Variants in CARMIL1 observed in about 807,000 individuals in gnomAD.
CARMIL1 encodes capping protein regulator and myosin 1 linker 1.
CARMIL1 carries 90 observed loss-of-function variants against 177.1 expected under a neutral mutation model. The ratio of observed to expected loss-of-function variants is 0.51; its 90% CI spans 0.43 to 0.61. The LOEUF (loss-of-function observed/expected upper bound fraction) is 0.61, where lower values mean the gene tolerates loss of function less well. Among genes scored for constraint, CARMIL1 ranks in the 20% least tolerant of loss-of-function variants. The pLI, the probability that CARMIL1 is intolerant of heterozygous loss-of-function variation, is 0.00. For missense variants in CARMIL1, 1,380 were observed against 1,667.0 expected, an observed-to-expected ratio of 0.83 and a Z score of 3.00; for synonymous variants, 577 against 606.2, an observed-to-expected ratio of 0.95 and a Z score of 0.71.
At chr6:25,454,214 A>G (rs891934332) in intron 8 of CARMIL1, among the ~76,000 whole-genome samples, 4 of 152,208 alleles carry the variant, frequency 2.6e-5, no homozygotes, top group Non-Finnish European at 5.9e-5. Flanking sequence ...CTGGAAGGAC[A>G]TTTGTCATTA....
At position 25,509,100 on chromosome 6, in the gene CARMIL1, A is replaced by T. The variant is rs1805219689; in HGVS notation, c.1396-556A>T. Among the ~76,000 whole-genome samples, 2 of 150,638 alleles carry T rather than the reference A, an allele frequency of 1.3e-5. No individual in the cohort carries two copies. Among genetic ancestry groups the T allele is most frequent in the South Asian group, 4.2e-4 (2 of 4,726 alleles). On this transcript the variant is annotated intron_variant, in intron 17 of 36. Coordinates refer to ENST00000329474, the MANE Select transcript of CARMIL1 (RefSeq NM_017640.6). The surrounding 1 kb of genome is among the most constrained non-coding windows in gnomAD (Gnocchi z 4.1). Reference sequence around the variant, plus strand: ...TCCATCCATGGCTCGAAGCATTTGTACAAATCATTTTGCAGTCATCTTTAG... The same window carrying T: ...TCCATCCATGGCTCGAAGCATTTGTTCAAATCATTTTGCAGTCATCTTTAG...
chr6:25,280,772 A>T (rs1204102613), intron 1 of CARMIL1, among the ~76,000 whole-genome samples: 2 of 151,954 alleles, frequency 1.3e-5, no homozygotes, highest in African/African-American at 4.8e-5. Flanking sequence ...CTGTGTACAG[A>T]TGTGTTTTGA....
chr6:25,439,336 G>C (rs1262413766), intron 5 of CARMIL1, among the ~76,000 whole-genome samples: 1 of 152,232 alleles, frequency 6.6e-6, no homozygotes, highest in Non-Finnish European at 1.5e-5. Flanking sequence ...GCTTGGAGGA[G>C]AGGTCTGGAG....
At chr6:25,607,123 G>C (rs1368897564) in intron 35 of CARMIL1, among the ~76,000 whole-genome samples, 4 of 151,420 alleles carry the variant, frequency 2.6e-5, no homozygotes, top group African/African-American at 9.7e-5. Context: ...ACTCCAGCCT[G>C]AGTGACAAGA....
intron 3 of CARMIL1, among the ~76,000 whole-genome samples, chr6:25,421,876 G>T (rs1349548893): frequency 1.1e-3 from 139 of 125,140 alleles, no homozygotes; most frequent in African/African-American, 4.1e-3. Context: ...GTTGTGGGGT[G>T]GGGGGAGGGG....
At chr6:25,501,455 C>T (rs1048464663) in intron 17 of CARMIL1, among the ~76,000 whole-genome samples, 53 of 152,180 alleles carry the variant, frequency 3.5e-4, no homozygotes, top group African/African-American at 1.3e-3. Flanking sequence ...ATAATAGTAA[C>T]TCTCCCAATG....
chr6:25,447,755 C>T (rs1298363930), intron 5 of CARMIL1, among the ~76,000 whole-genome samples: 1 of 152,076 alleles, frequency 6.6e-6, no homozygotes, highest in Non-Finnish European at 1.5e-5. Flanking sequence ...CACTTCCTCT[C>T]CCCTGGAAGT....
At chr6:25,495,062 A>G in intron 15 of CARMIL1, 49 bp from the exon 16 acceptor site, 1 of 994,932 alleles carries the variant, frequency 1.0e-6, no homozygotes, top group Non-Finnish European at 1.6e-6. Context: ...ATCAATGAAT[A>G]TGTTTGATGA....
intron 29 of CARMIL1, chr6:25,563,787 A>G: frequency 1.0e-6 from 1 of 985,460 alleles, no homozygotes; most frequent in Non-Finnish European, 1.2e-6. Flanking sequence ...GGTGGATCAC[A>G]GAACCACCGT....
At chr6:25,398,052 T>G (rs1793572344) in intron 2 of CARMIL1, among the ~76,000 whole-genome samples, 1 of 152,186 alleles carries the variant, frequency 6.6e-6, no homozygotes, top group Admixed American at 6.5e-5. Context: ...GGGAAAAGAT[T>G]ACATTTTCTA....
At chr6:25,597,871 A>G (rs1815001468) in intron 32 of CARMIL1, among the ~76,000 whole-genome samples, 1 of 152,232 alleles carries the variant, frequency 6.6e-6, no homozygotes, top group Non-Finnish European at 1.5e-5. Context: ...GTCACTAGGT[A>G]TAGAATTGTA....
At position 25,500,229 on chromosome 6, in the gene CARMIL1, C is replaced by T. The variant is rs770488917; in HGVS notation, c.1389C>T (p.Asn463=). Residue 463 remains asparagine (N), a synonymous_variant, in exon 17 of 37, where the codon AAC becomes AAT. Transcript: ENST00000329474. ...AAGGGGTTTCTCTGGATCTCAGCAA[C>T]TGTGAGGTAAGAACACCCTTAGATT... ...NLKGVSLDLS[N]CELRSGGAQV... is the part of the protein sequence containing the mutation. The T allele has an allele frequency of 3.1e-6, 5 of 1,613,688 alleles. No homozygotes were observed. The highest frequency in any genetic ancestry group is 4.2e-6 in the Non-Finnish European group (5 of 1,179,666).
At chr6:25,482,004 A>C (rs1328592103) in intron 11 of CARMIL1, among the ~76,000 whole-genome samples, 1 of 152,252 alleles carries the variant, frequency 6.6e-6, no homozygotes, top group Non-Finnish European at 1.5e-5. Flanking sequence ...ACGTGGCCCC[A>C]AGAAAAGTAT....
chr6:25,544,485 A>G (rs1295665566), intron 26 of CARMIL1, among the ~76,000 whole-genome samples: 1 of 152,048 alleles, frequency 6.6e-6, no homozygotes, highest in Admixed American at 6.6e-5. Flanking sequence ...AATACTTTAA[A>G]CTTTAGAGAG....
At chr6:25,351,859 T>C (rs906431413) in intron 2 of CARMIL1, among the ~76,000 whole-genome samples, 1 of 151,180 alleles carries the variant, frequency 6.6e-6, no homozygotes, top group African/African-American at 2.4e-5. Context: ...CCTGACAATA[T>C]GAAAAAAAAA....
chr6:25,412,244 C>T (rs183518517), intron 2 of CARMIL1, among the ~76,000 whole-genome samples: 2 of 152,346 alleles, frequency 1.3e-5, no homozygotes, highest in East Asian at 3.9e-4. Context: ...ATTTAACCCT[C>T]ATCATTCCAT....
intron 2 of CARMIL1, among the ~76,000 whole-genome samples, chr6:25,361,846 A>G (rs537563704): frequency 6.6e-6 from 1 of 152,270 alleles, no homozygotes; most frequent in South Asian, 2.1e-4. Flanking sequence ...GATGCTCTCT[A>G]CTATGTTATG....
intron 2 of CARMIL1, among the ~76,000 whole-genome samples, chr6:25,354,940 A>G (rs1280690031): frequency 2.6e-5 from 4 of 152,066 alleles, no homozygotes; most frequent in Non-Finnish European, 5.9e-5. Context: ...CTGGACAGTC[A>G]CTCCCACACT....
chr6:25,515,685 C>G lies in CARMIL1; in HGVS notation c.1643C>G (p.Ser548Cys). The change falls in exon 21 of 37, where the codon TCC (serine) becomes TGC (cysteine). Residue 548 changes from serine to cysteine, a missense_variant. Transcript: ENST00000329474. This position sits in a 1 kb window ranked among gnomAD's most constrained non-coding sequence, Gnocchi z 5.0. ...TCATTTGCTCCGCAGCCTCTGCAGT[C>G]CTTGTCCCTGGCTGACTCGAAACTC... ...MIQDEESPLQ[S>C]LSLADSKLKT... is the part of the protein sequence containing the mutation. 1.2e-6 allele frequency: 2 copies of G among 1,603,106 alleles called. No homozygotes were observed. The highest frequency in any genetic ancestry group is 1.7e-6 in the Non-Finnish European group (2 of 1,175,058).
Sources: gnomAD v4.1 joint callset for allele counts (sites outside exome capture counted in the v4.1 genomes callset) on GRCh38, gnomAD v4.1.1 for gene constraint, Gnocchi (gnomAD v3.1) non-coding constraint, MANE v1.5 for transcripts, NCBI Gene and HGNC (gene_info 2026-07-23, HGNC 2026-07-21) for gene names.